TLN2: variants seen among roughly 807,000 people sequenced by gnomAD.
TLN2 encodes the protein talin-2.
Under a neutral mutation model 294.7 loss-of-function variants are expected in TLN2, and 118 were observed. That is an observed-to-expected ratio of 0.40 (90% confidence interval 0.34 to 0.47). The LOEUF (loss-of-function observed/expected upper bound fraction) is 0.47. Among genes scored for constraint, TLN2 ranks in the 20% least tolerant of loss-of-function variants. The pLI is 0.84. For missense variants in TLN2, 3,083 were observed against 3,282.2 expected (o/e 0.94, Z 1.48); for synonymous variants, 1,431 against 1,304.5 (o/e 1.10, Z -2.09).
intron 40 of TLN2, among the ~76,000 whole-genome samples, chr15:62,765,296 T>C (rs1757246897): frequency 6.6e-6 from 1 of 152,146 alleles, no homozygotes. Flanking sequence ...TGCTCCCATC[T>C]GTCTCTGTTT....
At chr15:62,674,864 T>A (rs2055972923) in intron 10 of TLN2, among the ~76,000 whole-genome samples, 3 of 152,256 alleles carry the variant, frequency 2.0e-5, no homozygotes, top group African/African-American at 7.2e-5. Context: ...CTTGGTATCA[T>A]TTAAAGTCTT....
intron 3 of TLN2, among the ~76,000 whole-genome samples, chr15:62,628,736 T>C (rs962498327): frequency 6.6e-6 from 1 of 152,216 alleles, no homozygotes; most frequent in African/African-American, 2.4e-5. Context: ...CCTGGCAACC[T>C]TATGGGATTT....
rs3055852 is a variant in TLN2 at position 62,815,177 on chromosome 15, T to TCACACACACA, written c.6772-4293_6772-4284dup. 4.6e-4 allele frequency among the ~76,000 whole-genome samples: 65 copies of TCACACACACA among 140,680 alleles called. 1 individual carries two copies. Among genetic ancestry groups the TCACACACACA allele is most frequent in the African/African-American group, 9.1e-4 (33 of 36,370 alleles). The allele number at this position is 140,680 out of a possible 152,430, so 92.3% of individuals were successfully genotyped here. ...AAACTGGAGATTTTTATTCTGTCTGTCACACACACACACACACACACACAC... is the reference window on the plus strand; with the variant it reads ...AAACTGGAGATTTTTATTCTGTCTGTCACACACACACACACACACACACACACACACACAC... On this transcript the variant is annotated intron_variant, in intron 52 of 58. Coordinates refer to ENST00000636159, the MANE Select transcript of TLN2 (RefSeq NM_015059.3).
At chr15:62,528,919 T>A (rs1346352494) in intron 1 of TLN2, among the ~76,000 whole-genome samples, 2 of 152,222 alleles carry the variant, frequency 1.3e-5, no homozygotes, top group Non-Finnish European at 2.9e-5. Flanking sequence ...TTGGTTTTGT[T>A]GTCTTGTTCT....
At chr15:62,578,521 G>A (rs1391051123) in intron 1 of TLN2, among the ~76,000 whole-genome samples, 5 of 152,228 alleles carry the variant, frequency 3.3e-5, no homozygotes, top group Admixed American at 6.5e-5. Flanking sequence ...GAGTGAGATT[G>A]CGCCACTGCA....
At chr15:62,619,927 G>A (rs2048641900) in intron 3 of TLN2, among the ~76,000 whole-genome samples, 1 of 152,096 alleles carries the variant, frequency 6.6e-6, no homozygotes, top group African/African-American at 2.4e-5. Context: ...GAGATTGAAG[G>A]TCTATCTCCC....
rs769018928 is a variant in TLN2 at position 62,838,848 on chromosome 15, C to T, written c.7375-8C>T. The T allele has an allele frequency of 6.2e-7, 1 of 1,608,306 alleles. No homozygotes were observed. Among genetic ancestry groups the T allele is most frequent in the African/African-American group, 1.4e-5 (1 of 70,406 alleles). ...AATGATATAATGTATGTTTTGTTCA[C>T]TCTCCAGGCGGCAGGAAATGCTGTG... is the stretch of plus-strand genomic sequence containing the variant. On this transcript the variant is annotated splice_region_variant and splice_polypyrimidine_tract_variant and intron_variant, in intron 57 of 58. Transcript: ENST00000636159.
At chr15:62,670,204 C>T (rs1397508577) in intron 9 of TLN2, among the ~76,000 whole-genome samples, 1 of 152,174 alleles carries the variant, frequency 6.6e-6, no homozygotes, top group Non-Finnish European at 1.5e-5. Flanking sequence ...GTCTCTGTTG[C>T]TGATGGAGGA....
At chr15:62,724,927 C>T (rs762402396) in intron 26 of TLN2, 49 bp from the exon 27 acceptor site, 2 of 1,565,946 alleles carry the variant, frequency 1.3e-6, no homozygotes, top group African/African-American at 2.7e-5. Flanking sequence ...GTGTTGGGGA[C>T]ACTTTTCCCA....
chr15:62,775,367 A>G (rs2141062570), intron 42 of TLN2, among the ~76,000 whole-genome samples: 1 of 152,228 alleles, frequency 6.6e-6, no homozygotes, highest in Admixed American at 6.5e-5. Context: ...TCACACTTCT[A>G]TCATCAAAAT....
At chr15:62,732,038 A>C (rs1282815524) in intron 28 of TLN2, among the ~76,000 whole-genome samples, 1 of 152,216 alleles carries the variant, frequency 6.6e-6, no homozygotes, top group African/African-American at 2.4e-5. Context: ...AAATTTTCAG[A>C]GCAGAATTGA....
intron 53 of TLN2, among the ~76,000 whole-genome samples, chr15:62,820,276 T>C (rs1011220524): frequency 2.6e-5 from 4 of 151,938 alleles, no homozygotes; most frequent in Non-Finnish European, 4.4e-5. Flanking sequence ...GGGCCATACA[T>C]GCAACTGATT....
intron 1 of TLN2, among the ~76,000 whole-genome samples, chr15:62,574,135 C>T (rs2044173934): frequency 6.6e-6 from 1 of 152,042 alleles, no homozygotes; most frequent in Non-Finnish European, 1.5e-5. Flanking sequence ...CATCTGTCTT[C>T]CCATCTCAAT....
chr15:62,505,453 G>A (rs1040768902), intron 1 of TLN2, among the ~76,000 whole-genome samples: 1 of 152,176 alleles, frequency 6.6e-6, no homozygotes, highest in Non-Finnish European at 1.5e-5. Flanking sequence ...ATGTTAGTAA[G>A]CAAGGAATCC....
At chr15:62,660,303 T>G (rs1338601849) in intron 9 of TLN2, among the ~76,000 whole-genome samples, 1 of 152,238 alleles carries the variant, frequency 6.6e-6, no homozygotes, top group African/African-American at 2.4e-5. Flanking sequence ...TTAGTGAAGG[T>G]ACTCATTTAG....
chr15:62,713,897 C>CAT (rs34783254), intron 22 of TLN2, among the ~76,000 whole-genome samples: 8,478 of 118,870 alleles, frequency 0.071, 869 homozygotes, highest in African/African-American at 0.2. Flanking sequence ...TTCTTTAAGC[C>CAT]ATATATATAT....
At chr15:62,795,762 T>C (rs1477998259) in intron 46 of TLN2, among the ~76,000 whole-genome samples, 6 of 152,206 alleles carry the variant, frequency 3.9e-5, no homozygotes, top group African/African-American at 1.4e-4. Flanking sequence ...AACATAGCAG[T>C]AATTGAATAA....
intron 7 of TLN2, among the ~76,000 whole-genome samples, chr15:62,654,042 C>T (rs982343463): frequency 6.6e-6 from 1 of 152,156 alleles, no homozygotes; most frequent in African/African-American, 2.4e-5. Context: ...TATCCATCAC[C>T]TCACCAATGT....
At chr15:62,619,656 C>T (rs76830550) in intron 3 of TLN2, among the ~76,000 whole-genome samples, 17,999 of 152,016 alleles carry the variant, frequency 0.12, 1,323 homozygotes, top group African/African-American at 0.2. Context: ...TGATGACTGG[C>T]GTCCTTGTAG....
Sources: gnomAD v4.1 joint callset for allele counts (sites outside exome capture counted in the v4.1 genomes callset) on GRCh38, gnomAD v4.1.1 for gene constraint, MANE v1.5 for transcripts, NCBI Gene and HGNC (gene_info 2026-07-23, HGNC 2026-07-21) for gene names.